USP15: variants seen among roughly 807,000 people sequenced by gnomAD.
USP15 encodes ubiquitin carboxyl-terminal hydrolase 15.
Under a neutral mutation model 127.1 loss-of-function variants are expected in USP15, and 18 were observed. The ratio of observed to expected loss-of-function variants is 0.14; its 90% CI spans 0.10 to 0.21. The LOEUF (loss-of-function observed/expected upper bound fraction) is 0.21. Ranked by LOEUF, USP15 falls within the 10% of genes least tolerant of loss-of-function variation. The pLI is 1.00. For missense variants in USP15, 805 were observed against 1,159.9 expected (o/e 0.69, Z 4.44); for synonymous variants, 364 against 393.7 (o/e 0.92, Z 0.89).
intron 15 of USP15, 71 bp from the exon 16 acceptor site, chr12:62,391,086 G>T (rs1240990280): frequency 5.1e-5 from 77 of 1,499,150 alleles, no homozygotes; most frequent in Non-Finnish European, 6.5e-5. Flanking sequence ...TGGAAACCTA[G>T]GATTAATAAT....
intron 8 of USP15, among the ~76,000 whole-genome samples, chr12:62,373,036 A>G (rs2066723466): frequency 6.6e-6 from 1 of 152,098 alleles, no homozygotes; most frequent in Non-Finnish European, 1.5e-5. Context: ...TCAAAACCTT[A>G]TTTAAAAACA....
Position 62,402,032 on chromosome 12 carries a change from A to G in USP15, c.2763+757A>G, listed in dbSNP as rs888427239. Among the ~76,000 whole-genome samples the G allele has an allele frequency of 7.3e-5, 11 of 151,642 alleles. 1 individual carries two copies. The highest frequency in any genetic ancestry group is 6.9e-3 in the Middle Eastern group (2 of 290). ...TTTTAATTAACCACATTTTTTGTTT[A>G]TATTTAAACTCCTAATTTTTTTTCT... On this transcript the variant is annotated intron_variant, in intron 21 of 21. Coordinates refer to ENST00000280377, the MANE Select transcript of USP15 (RefSeq NM_001252078.2).
chr12:62,309,151 A>C (rs2064579471), intron 3 of USP15, among the ~76,000 whole-genome samples: 1 of 143,384 alleles, frequency 7.0e-6, no homozygotes, highest in Non-Finnish European at 1.5e-5. Context: ...AGAGCAGTGA[A>C]ATTAGACCAG....
chr12:62,358,387 A>G (rs2066205148), intron 8 of USP15, among the ~76,000 whole-genome samples: 1 of 152,132 alleles, frequency 6.6e-6, no homozygotes, highest in African/African-American at 2.4e-5. Flanking sequence ...TTTGGTGAAT[A>G]TGGTACTGCC....
chr12:62,349,224 C>A lies in USP15; in HGVS notation c.687C>A (p.Ser229=). Residue 229 remains serine, a synonymous_variant, in exon 7 of 22, where the codon TCC becomes TCA. Transcript: ENST00000280377. ...TWPRGPSTPK[S]PGASNFSTLP... is the part of the protein sequence containing the mutation. Reference sequence around the variant, plus strand: ...TAACATTTTCATATTTTTAAAGGTCCCCAGGTGCATCCAATTTTTCAACTT... The same window carrying A: ...TAACATTTTCATATTTTTAAAGGTCACCAGGTGCATCCAATTTTTCAACTT... The A allele has an allele frequency of 6.7e-7, 1 of 1,490,214 alleles. No homozygotes were observed. Among genetic ancestry groups the A allele is most frequent in the Admixed American group, 2.1e-5 (1 of 47,192 alleles). The allele number at this position is 1,490,214 out of a possible 1,614,324, so 92.3% of individuals were successfully genotyped here.
chr12:62,336,641 A>G, intron 6 of USP15: 1 of 354,320 alleles, frequency 2.8e-6, no homozygotes, highest in Non-Finnish European at 4.0e-6. Flanking sequence ...CATGAATAAC[A>G]CTTTTATGAA....
chr12:62,286,530 T>C (rs1169560643), intron 1 of USP15, among the ~76,000 whole-genome samples: 1 of 151,860 alleles, frequency 6.6e-6, no homozygotes, highest in East Asian at 1.9e-4. Context: ...TACTAGAAAA[T>C]AAATCATTCT....
At chr12:62,298,153 A>AC (rs748134707) in intron 2 of USP15, among the ~76,000 whole-genome samples, 25 of 152,310 alleles carry the variant, frequency 1.6e-4, no homozygotes, top group South Asian at 8.3e-4. Flanking sequence ...CTTCTGGGAC[A>AC]CCATCAAATG....
chr12:62,289,383 T>G (rs2063884934), intron 1 of USP15, among the ~76,000 whole-genome samples: 1 of 152,162 alleles, frequency 6.6e-6, no homozygotes, highest in Non-Finnish European at 1.5e-5. Flanking sequence ...GTTTTCTAGT[T>G]TGTGCATGTA....
intron 4 of USP15, among the ~76,000 whole-genome samples, chr12:62,317,337 A>G (rs913906623): frequency 1.3e-5 from 2 of 152,200 alleles, no homozygotes; most frequent in African/African-American, 2.4e-5. Flanking sequence ...ACAAGCAGGT[A>G]TCTTCCTCTT....
chr12:62,326,896 C>T (rs578131622), intron 6 of USP15, among the ~76,000 whole-genome samples: 3 of 152,188 alleles, frequency 2.0e-5, no homozygotes, highest in South Asian at 2.1e-4. Flanking sequence ...CTTTGGGAGG[C>T]GAAGACAGGC....
At chr12:62,313,836 C>G (rs993391445) in intron 3 of USP15, among the ~76,000 whole-genome samples, 9 of 151,664 alleles carry the variant, frequency 5.9e-5, no homozygotes, top group African/African-American at 1.7e-4. Context: ...ACTAGATGAA[C>G]TGCATTTGAA....
At position 62,284,946 on chromosome 12, in the gene USP15, T is replaced by C. The variant is rs968787052; in HGVS notation, c.90-9233T>C. The stretch of plus-strand genomic sequence containing the variant: ...AGATGGATATAGTTTCAGTAATGTT[T>C]ACAGTGTTAGCTGTATCACACTTTT... On this transcript the variant is annotated intron_variant, in intron 1 of 21. Transcript: ENST00000280377. Among the ~76,000 whole-genome samples the C allele has an allele frequency of 7.9e-5, 12 of 152,192 alleles. No homozygotes were observed. In the South Asian group the frequency reaches 1.0e-3, roughly 13 times the overall value.
intron 11 of USP15, among the ~76,000 whole-genome samples, chr12:62,387,278 T>G (rs2067182591): frequency 6.6e-6 from 1 of 152,138 alleles, no homozygotes; most frequent in African/African-American, 2.4e-5. Flanking sequence ...AAGGCTAAGG[T>G]GACCCCGTGA....
chr12:62,404,194 C>G lies in USP15; in HGVS notation c.2765C>G (p.Ser922Cys), dbSNP rs771786829. The G allele has an allele frequency of 1.2e-6, 2 of 1,608,850 alleles. No individual in the cohort carries two copies. The highest frequency in any genetic ancestry group is 2.2e-5 in the South Asian group (2 of 90,510). Residue 922 changes from serine to cysteine, a missense_variant and splice_region_variant, in exon 22 of 22, where the codon TCC becomes TGC. Around this residue, in one of 11 missense-constraint regions of USP15, gnomAD observed 116 missense variants for 157.2 expected, o/e 0.74. Coordinates refer to ENST00000280377, the MANE Select transcript of USP15 (RefSeq NM_001252078.2). Reference protein sequence around the residue: ...VSTASEDQIVSKAAYVLFYQR... With the variant: ...VSTASEDQIVCKAAYVLFYQR... ...TTTTAACATCCTTTGTTTTGACAGT[C>G]CAAAGCAGCATATGTACTCTTCTAC...
In USP15 at chr12:62,409,928, C is replaced by T. The variant is rs1260291325; in HGVS notation, c.*5553C>T. 1 of 151,946 alleles carries T rather than the reference C, an allele frequency of 6.6e-6. No homozygotes were observed. The highest frequency in any genetic ancestry group is 1.5e-5 in the Non-Finnish European group (1 of 67,964). 9.4% of individuals were successfully genotyped at this position (151,946 alleles called of 1,614,324 possible). On this transcript the variant is annotated 3_prime_UTR_variant, in exon 22 of 22. Coordinates refer to ENST00000280377, the MANE Select transcript of USP15 (RefSeq NM_001252078.2). ...ATAGTATTTGCTTTTCTTTTAAACT[C>T]CATAAAGGAGTATTCGATGTTAACA... is the stretch of plus-strand genomic sequence containing the variant.
chr12:62,392,027 A>G (rs2137623035), intron 17 of USP15, 141 bp downstream of exon 17: 1 of 909,226 alleles, frequency 1.1e-6, no homozygotes, highest in Non-Finnish European at 1.6e-6. Context: ...CATGAACTAG[A>G]AAAAAAAGTC....
intron 3 of USP15, 120 bp from the exon 4 acceptor site, chr12:62,314,670 A>G: frequency 1.1e-6 from 1 of 950,698 alleles, no homozygotes; most frequent in East Asian, 3.0e-5. Flanking sequence ...GGCAGGCTTT[A>G]ATAGTGACTG....
At chr12:62,295,231 G>A (rs1428972962) in intron 2 of USP15, among the ~76,000 whole-genome samples, 1 of 152,168 alleles carries the variant, frequency 6.6e-6, no homozygotes, top group Non-Finnish European at 1.5e-5. Flanking sequence ...CCACTGAAAA[G>A]AAGGAACAAT....
Sources: allele counts gnomAD v4.1 joint callset (sites outside exome capture counted in the v4.1 genomes callset), GRCh38; gene constraint gnomAD v4.1.1; regional missense constraint gnomAD v4.1.1; transcripts MANE v1.5; gene names NCBI Gene and HGNC (gene_info 2026-07-23, HGNC 2026-07-21).